Variants in AGAP1 observed in about 807,000 individuals in gnomAD.
AGAP1 encodes ArfGAP with GTPase domain, ankyrin repeat and PH domain 1, also known as arf-GAP with GTPase, ANK repeat and PH domain-containing protein 1.
A neutral mutation model predicts 105.3 loss-of-function variants in AGAP1; 29 were observed. The ratio of observed to expected loss-of-function variants is 0.28; its 90% confidence interval spans 0.21 to 0.38. The LOEUF is 0.38. AGAP1 is among the 10% of genes least tolerant of loss of function. The pLI, the probability that AGAP1 is intolerant of heterozygous loss-of-function variation, is 1.00. For synonymous variants in AGAP1, 509 were observed against 485.9 expected (o/e 1.05, Z -0.63); for missense variants, 998 against 1,165.1 (o/e 0.86, Z 2.09).
At chr2:235,760,474 G>A (rs1243205968) in intron 6 of AGAP1, among the ~76,000 whole-genome samples, 1 of 152,242 alleles carries the variant, frequency 6.6e-6, no homozygotes, top group African/African-American at 2.4e-5. Context: ...TTGAGAATGT[G>A]CTTGAGGTGA....
intron 6 of AGAP1, among the ~76,000 whole-genome samples, chr2:235,767,854 G>T (rs1955101817): frequency 7.0e-6 from 1 of 142,508 alleles, no homozygotes; most frequent in African/African-American, 2.6e-5. Context: ...GCGTGATTTG[G>T]ACTCACTGCA....
intron 9 of AGAP1, among the ~76,000 whole-genome samples, chr2:235,868,760 G>C (rs533187029): frequency 6.6e-6 from 1 of 152,342 alleles, no homozygotes; most frequent in Admixed American, 6.5e-5. Flanking sequence ...ATGGGTTTCA[G>C]ATAGCACTTA....
chr2:235,925,757 C>T (rs948956463), intron 11 of AGAP1, among the ~76,000 whole-genome samples: 13 of 152,168 alleles, frequency 8.5e-5, no homozygotes, highest in African/African-American at 3.1e-4. Context: ...TATGAGGCCT[C>T]CACCTCGGCA....
rs2055018450 is a variant in AGAP1 at position 235,979,896 on chromosome 2, A to G, written c.1645+11273A>G. ...TGCTTTTTCTTAAAAGTGCCTTTCT[A>G]GTTGCCACACAGTGATGTGATCATT... On this transcript the variant is annotated intron_variant, in intron 13 of 17. Coordinates refer to ENST00000304032, the MANE Select transcript of AGAP1 (RefSeq NM_001037131.3). This position sits in a 1 kb window ranked among gnomAD's most constrained non-coding sequence, Gnocchi z 4.5. Among the ~76,000 whole-genome samples, 1 of 152,180 alleles carries G rather than the reference A, an allele frequency of 6.6e-6. No individual in the cohort carries two copies. The highest frequency in any genetic ancestry group is 2.4e-5 in the African/African-American group (1 of 41,444).
chr2:235,558,356 T>C (rs189715381), intron 1 of AGAP1, among the ~76,000 whole-genome samples: 1 of 152,236 alleles, frequency 6.6e-6, no homozygotes, highest in East Asian at 1.9e-4. Context: ...TGTGTGTCTT[T>C]CTTGGTTTTG....
intron 6 of AGAP1, among the ~76,000 whole-genome samples, chr2:235,759,420 T>C (rs146033967): frequency 0.019 from 2,777 of 149,110 alleles, 60 homozygotes; most frequent in African/African-American, 0.055. Context: ...CCGCCCGCCT[T>C]GGCCTCCCAA....
chr2:235,639,412 C>T lies in AGAP1; in HGVS notation c.164-69767C>T, dbSNP rs1288370279. Among the ~76,000 whole-genome samples, 2 of 152,118 alleles carry T rather than the reference C, an allele frequency of 1.3e-5. No individual in the cohort carries two copies. Among genetic ancestry groups the T allele is most frequent in the Non-Finnish European group, 1.5e-5 (1 of 68,004 alleles). The stretch of plus-strand genomic sequence containing the variant: ...GGCCTGCGATAGAACCCGGGGAATC[C>T]CAGTGTTTCCAGGGTGGGCAGAGGA... On this transcript the variant is annotated intron_variant, in intron 1 of 17. Transcript: ENST00000304032. The surrounding 1 kb of genome is among the most constrained non-coding windows in gnomAD (Gnocchi z 5.3).
chr2:236,119,006 T>A lies in AGAP1; in HGVS notation c.2115-1186T>A, dbSNP rs1482532316. ...ATGCCTTACTGTTGGTTTCCTCTTCTATTTGTTAAGCTTCTCATCTCATCC... is the reference window on the plus strand; with the variant it reads ...ATGCCTTACTGTTGGTTTCCTCTTCAATTTGTTAAGCTTCTCATCTCATCC... On this transcript the variant is annotated intron_variant, in intron 16 of 17. Coordinates refer to ENST00000304032, the MANE Select transcript of AGAP1 (RefSeq NM_001037131.3). The surrounding 1 kb of genome is among the most constrained non-coding windows in gnomAD (Gnocchi z 6.6). 6.6e-6 allele frequency among the ~76,000 whole-genome samples: 1 copy of A among 152,160 alleles called. No homozygotes were observed. Among genetic ancestry groups the A allele is most frequent in the East Asian group, 1.9e-4 (1 of 5,184 alleles).
chr2:235,546,580 A>T (rs1943627980), intron 1 of AGAP1, among the ~76,000 whole-genome samples: 1 of 152,238 alleles, frequency 6.6e-6, no homozygotes, highest in Middle Eastern at 3.4e-3. Flanking sequence ...TCCAGGGTTC[A>T]GGTTTCTTAG....
intron 1 of AGAP1, among the ~76,000 whole-genome samples, chr2:235,573,514 T>C (rs1944639668): frequency 6.6e-6 from 1 of 152,172 alleles, no homozygotes; most frequent in African/African-American, 2.4e-5. Flanking sequence ...AAATTCTTAT[T>C]TAGTCAGTGT....
rs1034422017 is a variant in AGAP1 at position 235,874,371 on chromosome 2, G to A, written c.1051-8974G>A. ...GCCCAGAACCACATTCTTGAGCTGAGCTCCCGAGGGTACCTGGTGATGTAG... is the reference window on the plus strand; with the variant it reads ...GCCCAGAACCACATTCTTGAGCTGAACTCCCGAGGGTACCTGGTGATGTAG... On this transcript the variant is annotated intron_variant, in intron 9 of 17. Coordinates refer to ENST00000304032, the MANE Select transcript of AGAP1 (RefSeq NM_001037131.3). The surrounding 1 kb of genome is among the most constrained non-coding windows in gnomAD (Gnocchi z 4.5). Among the ~76,000 whole-genome samples, 6 of 152,214 alleles carry A rather than the reference G, an allele frequency of 3.9e-5. No homozygotes were observed. The highest frequency in any genetic ancestry group is 1.4e-4 in the African/African-American group (6 of 41,452).
chr2:236,094,923 CAAAAAAAA>C (rs59126473), intron 16 of AGAP1, among the ~76,000 whole-genome samples: 571 of 37,796 alleles, frequency 0.015, 4 homozygotes, highest in Middle Eastern at 0.053. Context: ...CCCATCTCTA[CAAAAAAAA>C]AAAAAAAAAA....
chr2:235,519,212 A>G (rs1489222497), intron 1 of AGAP1, among the ~76,000 whole-genome samples: 1 of 152,070 alleles, frequency 6.6e-6, no homozygotes, highest in Non-Finnish European at 1.5e-5. Flanking sequence ...AGCTAGGACT[A>G]CAGGCGCACA....
At chr2:236,059,448 A>G (rs2058131720) in intron 16 of AGAP1, among the ~76,000 whole-genome samples, 1 of 152,182 alleles carries the variant, frequency 6.6e-6, no homozygotes, top group African/African-American at 2.4e-5. Flanking sequence ...TTTTTTTCCC[A>G]GAAATTTGAC....
chr2:235,721,797 G>C lies in AGAP1; in HGVS notation c.310+4153G>C, dbSNP rs1007552418. ...GGTGGTGAGGGCCTTCCTGTCTTCA[G>C]GGGAGAGCTCTCTTGTGGTAGAAAC... On this transcript the variant is annotated intron_variant, in intron 3 of 17. Coordinates refer to ENST00000304032, the MANE Select transcript of AGAP1 (RefSeq NM_001037131.3). This position sits in a 1 kb window ranked among gnomAD's most constrained non-coding sequence, Gnocchi z 4.5. 6.6e-6 allele frequency among the ~76,000 whole-genome samples: 1 copy of C among 152,198 alleles called. No homozygotes were observed. Among genetic ancestry groups the C allele is most frequent in the Admixed American group, 6.5e-5 (1 of 15,286 alleles).
At chr2:236,091,645 C>T (rs1014800082) in intron 16 of AGAP1, among the ~76,000 whole-genome samples, 3 of 152,080 alleles carry the variant, frequency 2.0e-5, no homozygotes, top group African/African-American at 7.2e-5. Context: ...TGGTGGCGTG[C>T]ACCTTAGTCC....
chr2:236,015,791 T>C (rs2056680315), intron 13 of AGAP1, among the ~76,000 whole-genome samples: 1 of 152,294 alleles, frequency 6.6e-6, no homozygotes, highest in East Asian at 1.9e-4. Flanking sequence ...AATTGACTTA[T>C]TTGGGGATTA....
intron 1 of AGAP1, among the ~76,000 whole-genome samples, chr2:235,576,370 G>T (rs1944732938): frequency 6.6e-6 from 1 of 152,208 alleles, no homozygotes; most frequent in Admixed American, 6.5e-5. Flanking sequence ...ATTTTTGTGT[G>T]TGTTGTACTC....
intron 1 of AGAP1, among the ~76,000 whole-genome samples, chr2:235,591,882 T>G (rs897018701): frequency 8.6e-6 from 1 of 116,438 alleles, no homozygotes; most frequent in Admixed American, 1.2e-4. Flanking sequence ...CTCTTGCTCC[T>G]CTCTTGCCAT....
Sources: gnomAD v4.1 joint callset for allele counts (sites outside exome capture counted in the v4.1 genomes callset) on GRCh38, gnomAD v4.1.1 for gene constraint, Gnocchi (gnomAD v3.1) non-coding constraint, MANE v1.5 for transcripts, NCBI Gene and HGNC (gene_info 2026-07-23, HGNC 2026-07-21) for gene names.